The following SMG6 variants were observed in gnomAD, a reference collection of about 807,000 sequenced individuals.
SMG6 encodes the protein telomerase-binding protein EST1A.
SMG6 carries 66 observed loss-of-function variants against 142.2 expected under a neutral mutation model. The ratio of observed to expected loss-of-function variants is 0.46; its 90% CI spans 0.38 to 0.57. SMG6 has a LOEUF of 0.57. Among genes scored for constraint, SMG6 ranks in the 20% least tolerant of loss-of-function variants. The probability of loss-of-function intolerance (pLI) is 0.00; values close to 1 mark genes in which losing one functional copy is unlikely to be tolerated. For synonymous variants in SMG6, 779 were observed against 702.4 expected, an observed-to-expected ratio of 1.11 and a Z score of -1.72; for missense variants, 1,793 against 1,832.0, an observed-to-expected ratio of 0.98 and a Z score of 0.39.
intron 8 of SMG6, among the ~76,000 whole-genome samples, chr17:2,272,002 CAAGT>C (rs1181199996): frequency 6.6e-6 from 1 of 152,198 alleles, no homozygotes; most frequent in Non-Finnish European, 1.5e-5. Flanking sequence ...GCAGACATGA[CAAGT>C]AAACAGTGAG....
chr17:2,121,756 A>G (rs1278614715), intron 13 of SMG6, among the ~76,000 whole-genome samples: 1 of 152,012 alleles, frequency 6.6e-6, no homozygotes, highest in African/African-American at 2.4e-5. Context: ...AGCTGGGTCA[A>G]CAGGTGCTAG....
intron 6 of SMG6, among the ~76,000 whole-genome samples, chr17:2,290,519 A>G (rs907341594): frequency 6.6e-6 from 1 of 152,258 alleles, no homozygotes; most frequent in African/African-American, 2.4e-5. Flanking sequence ...AGAAAATAAC[A>G]CAACATTAAG....
At chr17:2,131,178 A>G (rs2070108636) in intron 13 of SMG6, among the ~76,000 whole-genome samples, 1 of 152,246 alleles carries the variant, frequency 6.6e-6, no homozygotes, top group Non-Finnish European at 1.5e-5. Flanking sequence ...AAATTTTATT[A>G]TGGAAAATCT....
intron 9 of SMG6, 191 bp from the exon 10 acceptor site, chr17:2,236,828 C>A (rs913255117): frequency 7.7e-7 from 1 of 1,295,000 alleles, no homozygotes; most frequent in African/African-American, 1.5e-5. Flanking sequence ...TGAACAAATT[C>A]AAGATAAAGG....
chr17:2,190,605 C>T (rs1459525189), intron 10 of SMG6, among the ~76,000 whole-genome samples: 3 of 152,204 alleles, frequency 2.0e-5, no homozygotes, highest in African/African-American at 4.8e-5. Context: ...CTGCGGTCTT[C>T]GTGGACTCCA....
intron 13 of SMG6, among the ~76,000 whole-genome samples, chr17:2,119,844 A>AG (rs1411090428): frequency 1.3e-5 from 2 of 152,064 alleles, no homozygotes; most frequent in Non-Finnish European, 2.9e-5. Flanking sequence ...TTGTATTTTT[A>AG]GTAGAGACCA....
intron 12 of SMG6, among the ~76,000 whole-genome samples, chr17:2,184,699 A>C (rs2071919385): frequency 7.9e-6 from 1 of 126,898 alleles, no homozygotes; most frequent in African/African-American, 3.0e-5. Flanking sequence ...ACGGTGGTTC[A>C]TGCGCCTGTA....
chr17:2,114,980 A>G (rs77149082), intron 13 of SMG6, among the ~76,000 whole-genome samples: 1,351 of 133,372 alleles, frequency 0.01, 13 homozygotes, highest in Non-Finnish European at 0.014. Flanking sequence ...GAAATAAAAT[A>G]AAATAAAATA....
At chr17:2,242,356 C>CAAAAAAAA (rs57062488) in intron 9 of SMG6, among the ~76,000 whole-genome samples, 12 of 73,502 alleles carry the variant, frequency 1.6e-4, no homozygotes, top group African/African-American at 4.0e-4. Context: ...ACTGAAGATA[C>CAAAAAAAA]AAAAAAAAAA....
At chr17:2,226,275 C>CA (rs112512894) in intron 10 of SMG6, among the ~76,000 whole-genome samples, 106,829 of 143,604 alleles carry the variant, frequency 0.74, 39,751 homozygotes, top group African/African-American at 0.8. Context: ...AACTCCGTCT[C>CA]AAAAAAAAAA....
intron 13 of SMG6, among the ~76,000 whole-genome samples, chr17:2,137,638 A>G (rs1190889650): frequency 1.3e-5 from 2 of 152,048 alleles, no homozygotes; most frequent in Non-Finnish European, 2.9e-5. Flanking sequence ...AGTGAGAATG[A>G]AGGGATAAAA....
At chr17:2,106,708 G>GGAAT (rs2069165931) in intron 13 of SMG6, among the ~76,000 whole-genome samples, 1 of 152,162 alleles carries the variant, frequency 6.6e-6, no homozygotes, top group Non-Finnish European at 1.5e-5. Flanking sequence ...CATATATGGG[G>GGAAT]GAATGCAGGA....
At chr17:2,140,783 G>A (rs2070454030) in intron 13 of SMG6, among the ~76,000 whole-genome samples, 1 of 151,944 alleles carries the variant, frequency 6.6e-6, no homozygotes, top group Non-Finnish European at 1.5e-5. Context: ...CATTGAAGCT[G>A]TCTTTAGGTG....
In SMG6 at chr17:2,242,478, G is replaced by A. The variant is rs372539004; in HGVS notation, c.2723+2180C>T. Among the ~76,000 whole-genome samples the A allele has an allele frequency of 2.7e-4, 40 of 150,524 alleles. 1 individual carries two copies. In the East Asian group the frequency reaches 3.1e-3, roughly 12 times the overall value. On this transcript the variant is annotated intron_variant, in intron 9 of 18. Coordinates refer to ENST00000263073, the MANE Select transcript of SMG6 (RefSeq NM_017575.5). ...CCGGGAGGCGGAGCTTGCAGTGAGCGGAGATCGCGCCACTGCACTCCAGCC... is the reference window on the plus strand; with the variant it reads ...CCGGGAGGCGGAGCTTGCAGTGAGCAGAGATCGCGCCACTGCACTCCAGCC...
chr17:2,276,744 G>A (rs2074658203), intron 8 of SMG6, among the ~76,000 whole-genome samples: 1 of 151,870 alleles, frequency 6.6e-6, no homozygotes, highest in Admixed American at 6.6e-5. Flanking sequence ...CTCACAAGCC[G>A]TAACCCTTCC....
At chr17:2,234,743 T>C (rs2073601421) in intron 10 of SMG6, among the ~76,000 whole-genome samples, 1 of 151,702 alleles carries the variant, frequency 6.6e-6, no homozygotes, top group Non-Finnish European at 1.5e-5. Flanking sequence ...AGTCTCACTC[T>C]GCTGCCCAGG....
intron 13 of SMG6, chr17:2,087,526 C>G (rs1003552961): frequency 9.7e-7 from 1 of 1,034,636 alleles, no homozygotes; most frequent in African/African-American, 1.7e-5. Flanking sequence ...CCACCTTCAC[C>G]TGAGAGGTTG....
In SMG6 at chr17:2,080,632, T is replaced by C. The variant is rs866152209; in HGVS notation, c.3681+1178A>G. On this transcript the variant is annotated intron_variant, in intron 15 of 18. Coordinates refer to ENST00000263073, the MANE Select transcript of SMG6 (RefSeq NM_017575.5). ...GAGATAGGTGCTATTAGCACTTTTT[T>C]CTTTTTTCTTTTTTTTTTTTTGAGA... Among the ~76,000 whole-genome samples, 28 of 152,076 alleles carry C rather than the reference T, an allele frequency of 1.8e-4. No individual in the cohort carries two copies. In the Middle Eastern group the frequency reaches 0.017, roughly 94 times the overall value.
chr17:2,176,819 T>C (rs1209655304), intron 12 of SMG6, among the ~76,000 whole-genome samples: 1 of 152,114 alleles, frequency 6.6e-6, no homozygotes, highest in African/African-American at 2.4e-5. Flanking sequence ...TAGTTACAAG[T>C]ATGCACTCAG....
Sources: gnomAD v4.1 joint callset for allele counts (sites outside exome capture counted in the v4.1 genomes callset) on GRCh38, gnomAD v4.1.1 for gene constraint, MANE v1.5 for transcripts, NCBI Gene and HGNC (gene_info 2026-07-23, HGNC 2026-07-21) for gene names.